The following SLC41A1 variants were observed in gnomAD, a reference collection of about 807,000 sequenced individuals.
SLC41A1 encodes the protein solute carrier family 41 member 1, also known as solute carrier family 41 (magnesium transporter), member 1.
A neutral mutation model predicts 47.3 loss-of-function variants in SLC41A1; 20 were observed. The observed-to-expected ratio is 0.42, with a 90% CI of 0.30 to 0.61. SLC41A1 has a LOEUF of 0.61. SLC41A1 is among the 20% of genes least tolerant of loss of function. The pLI is 0.17. For synonymous variants in SLC41A1, 282 were observed against 272.7 expected (o/e 1.03, Z -0.34); for missense variants, 504 against 674.1 (o/e 0.75, Z 2.79).
chr1:205,808,303 G>T (rs542021451), intron 2 of SLC41A1, among the ~76,000 whole-genome samples: 3 of 152,178 alleles, frequency 2.0e-5, no homozygotes, highest in African/African-American at 7.2e-5. Context: ...CATGGCGAAG[G>T]CCACAGGGGT....
At chr1:205,799,683 G>A in intron 4 of SLC41A1, 76 bp downstream of exon 4, 1 of 1,495,144 alleles carries the variant, frequency 6.7e-7, no homozygotes, top group Non-Finnish European at 9.2e-7. Flanking sequence ...GAGCCTGCTG[G>A]GGCTGACCTA....
At chr1:205,808,252 G>A (rs576418531) in intron 2 of SLC41A1, among the ~76,000 whole-genome samples, 17 of 152,276 alleles carry the variant, frequency 1.1e-4, no homozygotes, top group Admixed American at 2.6e-4. Context: ...CACTGAGCTC[G>A]GCCCCCTCTC....
chr1:205,794,984 G>A lies in SLC41A1; in HGVS notation c.1242C>T (p.Leu414=). The change falls in exon 10 of 11, where the codon CTC becomes CTT. Residue 414 remains leucine (L), a synonymous_variant. Transcript: ENST00000367137. ...ACACCAGGTGTCCTGGGACCACGAG[G>A]AGGAAGAGGACCCGGGCTGAGCGAG... is the stretch of plus-strand genomic sequence containing the variant. ...VNSRSARVLF[L]LVVPGHLVFL... is the part of the protein sequence containing the mutation. 2.5e-6 allele frequency: 4 copies of A among 1,614,104 alleles called. No homozygotes were observed. Among genetic ancestry groups the A allele is most frequent in the Middle Eastern group, 1.7e-4 (1 of 6,058 alleles).
At chr1:205,795,735 T>C (rs1655735293) in intron 8 of SLC41A1, 5 of 564,434 alleles carry the variant, frequency 8.9e-6, no homozygotes, top group Non-Finnish European at 1.6e-5. Flanking sequence ...CAGTTCCATG[T>C]TCCCCTGGCA....
At chr1:205,803,801 G>A (rs766623503) in intron 2 of SLC41A1, among the ~76,000 whole-genome samples, 7 of 151,964 alleles carry the variant, frequency 4.6e-5, no homozygotes, top group Non-Finnish European at 8.8e-5. Context: ...TGTATTTTTT[G>A]TAGAGACAGG....
In SLC41A1 at chr1:205,799,072, C is replaced by T. The variant is rs754003330; in HGVS notation, c.582G>A (p.Ala194=). The T allele has an allele frequency of 2.4e-5, 39 of 1,612,444 alleles. No individual in the cohort carries two copies. The highest frequency in any genetic ancestry group is 6.7e-5 in the Admixed American group (4 of 59,998). ...AGCCAAAGACGACGGCTGCGATGGA[C>T]GCCAGGAAGCCCACCACCGTGGCCT... The part of the protein sequence containing the change: ...QVQATVVGFL[A]SIAAVVFGWI... The change falls in exon 5 of 11, where the codon GCG becomes GCA. Residue 194 remains alanine (A), a synonymous_variant. Coordinates refer to ENST00000367137, the MANE Select transcript of SLC41A1 (RefSeq NM_173854.6).
Position 205,791,479 on chromosome 1 carries a change from G to GAA in SLC41A1, c.*52_*53dup. Reference sequence around the variant, plus strand: ...GTGGAGGAGGGACAGGGGAACAAAAGAAAAATTTCAAATAGAAAGTGCAGA... The same window carrying GAA: ...GTGGAGGAGGGACAGGGGAACAAAAGAAAAAAATTTCAAATAGAAAGTGCAGA... On this transcript the variant is annotated 3_prime_UTR_variant, in exon 11 of 11. Coordinates refer to ENST00000367137, the MANE Select transcript of SLC41A1 (RefSeq NM_173854.6). The surrounding 1 kb of genome is among the most constrained non-coding windows in gnomAD (Gnocchi z 4.0). 6.2e-7 allele frequency: 1 copy of GAA among 1,611,496 alleles called. No individual in the cohort carries two copies. Among genetic ancestry groups the GAA allele is most frequent in the Middle Eastern group, 1.6e-4 (1 of 6,062 alleles).
At position 205,790,687 on chromosome 1, in the gene SLC41A1, G is replaced by A. The variant is rs1340293366; in HGVS notation, c.*846C>T. 1 of 152,298 alleles carries A rather than the reference G, an allele frequency of 6.6e-6. No homozygotes were observed. The highest frequency in any genetic ancestry group is 2.4e-5 in the African/African-American group (1 of 41,472). 9.4% of individuals were successfully genotyped at this position (152,298 alleles called of 1,614,324 possible). A position where few individuals can be genotyped will look rare whatever the true frequency, so the allele number is the denominator to read the frequency against. ...AGCTCTGGGGAAGGTAGTGCTTAGA[G>A]ACAATTTGAGATGAAGGTTGAAGAG... On this transcript the variant is annotated 3_prime_UTR_variant, in exon 11 of 11. Transcript: ENST00000367137.
intron 6 of SLC41A1, 60 bp downstream of exon 6, chr1:205,798,609 T>G (rs1367005276): frequency 5.6e-6 from 9 of 1,612,404 alleles, no homozygotes; most frequent in Non-Finnish European, 7.6e-6. Flanking sequence ...ATTTGCAAAC[T>G]ACTACCATCT....
chr1:205,791,605 G>A lies in SLC41A1; in HGVS notation c.1470C>T (p.Gly490=). The stretch of plus-strand genomic sequence containing the variant: ...GGAAGCTGAGTGCTAGGAGCCCAGT[G>A]CCAAGCAGGTCCCCCAGAGCAGTCA... The part of the protein sequence containing the change: ...PYLTALGDLL[G]TGLLALSFHV... Residue 490 remains glycine (G), a synonymous_variant, in exon 11 of 11, where the codon GGC becomes GGT. Coordinates refer to ENST00000367137, the MANE Select transcript of SLC41A1 (RefSeq NM_173854.6). This position sits in a 1 kb window ranked among gnomAD's most constrained non-coding sequence, Gnocchi z 4.0. 2 of 1,614,176 alleles carry A rather than the reference G, an allele frequency of 1.2e-6. No homozygotes were observed. The highest frequency in any genetic ancestry group is 1.7e-6 in the Non-Finnish European group (2 of 1,180,018).
At chr1:205,801,169 G>A in intron 2 of SLC41A1, 109 bp from the exon 3 acceptor site, 2 of 860,732 alleles carry the variant, frequency 2.3e-6, no homozygotes, top group Non-Finnish European at 3.9e-6. Flanking sequence ...GAATCAGCAG[G>A]GAGTGAGCAC....
chr1:205,804,334 G>A (rs1050566222), intron 2 of SLC41A1, among the ~76,000 whole-genome samples: 28 of 152,084 alleles, frequency 1.8e-4, no homozygotes, highest in African/African-American at 6.0e-4. Flanking sequence ...TGGAGCATAC[G>A]CTTGCCTGAG....
chr1:205,811,245 G>A (rs879648503), intron 1 of SLC41A1, among the ~76,000 whole-genome samples, 158 bp from the exon 2 acceptor site: 19 of 152,274 alleles, frequency 1.2e-4, no homozygotes, highest in Admixed American at 1.2e-3. Flanking sequence ...ACTCAGTCCT[G>A]CACTGCTCCA....
chr1:205,800,143 T>C (rs1331350860), intron 3 of SLC41A1, among the ~76,000 whole-genome samples: 5 of 152,214 alleles, frequency 3.3e-5, no homozygotes, highest in Non-Finnish European at 7.3e-5. Flanking sequence ...AGCCCATTCC[T>C]GCATGGGTCA....
intron 10 of SLC41A1, among the ~76,000 whole-genome samples, chr1:205,793,355 C>T (rs1655668019): frequency 6.6e-6 from 1 of 152,200 alleles, no homozygotes; most frequent in African/African-American, 2.4e-5. Context: ...GGTGATGGCA[C>T]TGAGGCTCAT....
At position 205,796,051 on chromosome 1, in the gene SLC41A1, C is replaced by T. The variant is rs149315063; in HGVS notation, c.1073-573G>A. The stretch of plus-strand genomic sequence containing the variant: ...ACATCCCAACCTGCTCCCTGCTCTT[C>T]TCAGCCTTGCTCTGAGCTCTGGGGG... On this transcript the variant is annotated intron_variant, in intron 8 of 10. Coordinates refer to ENST00000367137, the MANE Select transcript of SLC41A1 (RefSeq NM_173854.6). 821 of 190,300 alleles carry T rather than the reference C, an allele frequency of 4.3e-3. 4 individuals are homozygous for T. The highest frequency in any genetic ancestry group is 4.8e-3 in the Non-Finnish European group (441 of 91,228). The allele number at this position is 190,300 out of a possible 1,614,324, so 11.8% of individuals were successfully genotyped here.
intron 8 of SLC41A1, chr1:205,796,662 G>T: frequency 1.8e-6 from 1 of 554,026 alleles, no homozygotes; most frequent in Non-Finnish European, 3.3e-6. Flanking sequence ...ACAGATAATG[G>T]ACTATGATAC....
Position 205,796,970 on chromosome 1 carries a change from T to C in SLC41A1, c.1026A>G (p.Ser342=), listed in dbSNP as rs1480198137. 1 of 1,613,520 alleles carries C rather than the reference T, an allele frequency of 6.2e-7. No homozygotes were observed. The highest frequency in any genetic ancestry group is 8.5e-7 in the Non-Finnish European group (1 of 1,179,796). ...CAGCCATCCCAGCAAAGTTGGGGTC[T>C]GAGACAGTCTTGTCCAAGATGAGGC... The part of the protein sequence containing the change: ...VGGLILDKTV[S]DPNFAGMAVF... The change falls in exon 8 of 11, where the codon TCA becomes TCG. Residue 342 remains serine (S), a synonymous_variant. Transcript: ENST00000367137.
rs1423746239 is a variant in SLC41A1 at position 205,799,868 on chromosome 1, G to A, written c.481-38C>T. 3.8e-6 allele frequency: 6 copies of A among 1,585,430 alleles called. No homozygotes were observed. The Admixed American group carries it at 1.0e-4, about 27-fold the overall frequency. On this transcript the variant is annotated intron_variant, in intron 3 of 10. Coordinates refer to ENST00000367137, the MANE Select transcript of SLC41A1 (RefSeq NM_173854.6). ...GGGCAAGGGGCTGGAGCTTCAGGCT[G>A]GAAAAGGCCTGAAGCTCCATCCATT...
Sources: allele counts gnomAD v4.1 joint callset (sites outside exome capture counted in the v4.1 genomes callset), GRCh38; gene constraint gnomAD v4.1.1; non-coding constraint Gnocchi (gnomAD v3.1); transcripts MANE v1.5; gene names NCBI Gene and HGNC (gene_info 2026-07-23, HGNC 2026-07-21).